The following CACNA1C variants were observed in gnomAD, a reference collection of about 807,000 sequenced individuals.
The protein encoded by CACNA1C is voltage-dependent L-type calcium channel subunit alpha-1C.
CACNA1C carries 30 observed loss-of-function variants against 229.0 expected under a neutral mutation model. The observed-to-expected ratio is 0.13, with a 90% CI of 0.10 to 0.18. The LOEUF (loss-of-function observed/expected upper bound fraction) is 0.18. Ranked by LOEUF, CACNA1C falls within the 10% of genes least tolerant of loss-of-function variation. The probability of loss-of-function intolerance (pLI) is 1.00; values close to 1 mark genes in which losing one functional copy is unlikely to be tolerated. For synonymous variants in CACNA1C, 1,114 were observed against 1,132.5 expected (o/e 0.98, Z 0.33); for missense variants, 1,658 against 2,845.0 (o/e 0.58, Z 9.49).
chr12:2,677,437 C>T lies in CACNA1C; in HGVS notation c.4956+216C>T. 1.6e-6 allele frequency: 1 copy of T among 623,802 alleles called. No individual in the cohort carries two copies. Among genetic ancestry groups the T allele is most frequent in the South Asian group, 2.1e-5 (1 of 48,196 alleles). 38.6% of individuals were successfully genotyped at this position (623,802 alleles called of 1,614,324 possible). A position where few individuals can be genotyped will look rare whatever the true frequency, so the allele number is the denominator to read the frequency against. On this transcript the variant is annotated intron_variant, in intron 40 of 46. Transcript: ENST00000399655. This position sits in a 1 kb window ranked among gnomAD's most constrained non-coding sequence, Gnocchi z 7.4. Reference sequence around the variant, plus strand: ...CACCGACTGCCCTCCATGGTTCTGCCTGCTGTCATAGCCCCCAGATCTCTC... The same window carrying T: ...CACCGACTGCCCTCCATGGTTCTGCTTGCTGTCATAGCCCCCAGATCTCTC...
chr12:2,168,072 G>A (rs1326865822), intron 3 of CACNA1C, among the ~76,000 whole-genome samples: 1 of 152,196 alleles, frequency 6.6e-6, no homozygotes, highest in Non-Finnish European at 1.5e-5. Flanking sequence ...GGGGGGGAGT[G>A]TTTGTGTACA....
At chr12:2,468,173 C>G (rs150223495) in intron 5 of CACNA1C, among the ~76,000 whole-genome samples, 43 of 152,352 alleles carry the variant, frequency 2.8e-4, no homozygotes, top group African/African-American at 9.9e-4. Flanking sequence ...TGTGGCTGAA[C>G]TGGGAACATC....
chr12:2,012,062 T>G (rs1373345150), intron 1 of CACNA1C, among the ~76,000 whole-genome samples: 1 of 152,212 alleles, frequency 6.6e-6, no homozygotes, highest in Non-Finnish European at 1.5e-5. Context: ...CATTGATTTT[T>G]CTCTTTTTAA....
At chr12:2,674,684 C>G in intron 39 of CACNA1C, 42 bp downstream of exon 39, 1 of 1,512,850 alleles carries the variant, frequency 6.6e-7, no homozygotes, top group Non-Finnish European at 8.9e-7. Flanking sequence ...CACTGCCTGG[C>G]CGTGCCCCCC....
intron 1 of CACNA1C, among the ~76,000 whole-genome samples, chr12:2,042,233 C>T (rs73044457): frequency 0.047 from 7,156 of 152,024 alleles, 254 homozygotes; most frequent in Non-Finnish European, 0.072. Context: ...TACCCTAATA[C>T]GATATATTTT....
At chr12:2,376,406 C>T (rs1209925887) in intron 3 of CACNA1C, among the ~76,000 whole-genome samples, 1 of 152,058 alleles carries the variant, frequency 6.6e-6, no homozygotes, top group African/African-American at 2.4e-5. Flanking sequence ...AGGAGGGGGG[C>T]AAATAGCACC....
chr12:2,658,015 CAG>C (rs759409030), intron 34 of CACNA1C, among the ~76,000 whole-genome samples: 12 of 151,102 alleles, frequency 7.9e-5, no homozygotes, highest in Admixed American at 6.6e-5. Context: ...CACACACACA[CAG>C]TGGAAGATTT....
chr12:2,307,536 T>C (rs1181254637), intron 3 of CACNA1C, among the ~76,000 whole-genome samples: 3 of 152,186 alleles, frequency 2.0e-5, no homozygotes, highest in African/African-American at 7.2e-5. Context: ...TCATGGCCTT[T>C]AACTATGGTT....
At chr12:2,033,594 G>C (rs779569481) in intron 1 of CACNA1C, among the ~76,000 whole-genome samples, 39 of 152,238 alleles carry the variant, frequency 2.6e-4, no homozygotes, top group East Asian at 1.9e-4. Context: ...TAATCCTAAG[G>C]ACAAAGTTTT....
intron 29 of CACNA1C, among the ~76,000 whole-genome samples, chr12:2,618,170 A>G (rs1484164268): frequency 2.0e-5 from 3 of 152,190 alleles, no homozygotes; most frequent in African/African-American, 7.2e-5. Context: ...AGATTCTGAC[A>G]TTCCCCTGGC....
intron 3 of CACNA1C, chr12:2,288,632 T>G (rs1441278234): frequency 6.6e-6 from 1 of 152,310 alleles, no homozygotes; most frequent in African/African-American, 2.4e-5. Flanking sequence ...GTGTCCGTGG[T>G]GGGTCTGTGC....
At chr12:2,612,132 C>T in intron 29 of CACNA1C, 119 bp downstream of exon 29, 1 of 679,160 alleles carries the variant, frequency 1.5e-6, no homozygotes, top group Non-Finnish European at 2.6e-6. Flanking sequence ...CGGTGAAGGA[C>T]CATCCCTGCT....
chr12:1,999,528 C>G (rs1405781752), intron 1 of CACNA1C, among the ~76,000 whole-genome samples: 1 of 152,126 alleles, frequency 6.6e-6, no homozygotes, highest in East Asian at 1.9e-4. Flanking sequence ...TGAGACCAGC[C>G]TGGGCAACAT....
At chr12:2,197,716 CAAT>C (rs1436205158) in intron 3 of CACNA1C, among the ~76,000 whole-genome samples, 3 of 152,172 alleles carry the variant, frequency 2.0e-5, no homozygotes, top group African/African-American at 7.2e-5. Context: ...ACATTTAAGT[CAAT>C]GATTGAATAG....
intron 13 of CACNA1C, among the ~76,000 whole-genome samples, chr12:2,569,872 GT>G (rs2053382844): frequency 6.6e-6 from 1 of 152,152 alleles, no homozygotes; most frequent in Non-Finnish European, 1.5e-5. Context: ...CTGTCAAACT[GT>G]TTTCCAAAGA....
chr12:2,124,680 G>T (rs1170550467), intron 3 of CACNA1C, among the ~76,000 whole-genome samples: 1 of 152,178 alleles, frequency 6.6e-6, no homozygotes, highest in South Asian at 2.1e-4. Context: ...GGGGGCAGTG[G>T]ATTTAGGAGG....
In CACNA1C at chr12:2,065,643, G is replaced by T. The variant is rs184657369; in HGVS notation, c.49+12032G>T. 4.3e-3 allele frequency among the ~76,000 whole-genome samples: 652 copies of T among 152,258 alleles called. 24 individuals carry two copies. The highest frequency in any genetic ancestry group is 0.037 in the Admixed American group (571 of 15,290). ...GGCAGAACATGCTTGATGTTACAAG[G>T]ATATAAAGATAAAGGCTCACAGATT... On this transcript the variant is annotated intron_variant, in intron 1 of 46. Coordinates refer to ENST00000399655, the MANE Select transcript of CACNA1C (RefSeq NM_000719.7).
At chr12:2,189,551 C>A (rs563106948) in intron 3 of CACNA1C, among the ~76,000 whole-genome samples, 1 of 152,078 alleles carries the variant, frequency 6.6e-6, no homozygotes, top group South Asian at 2.1e-4. Flanking sequence ...CTGGCTGCTG[C>A]GCGAGATGAG....
At chr12:2,492,021 T>C (rs1325510718) in intron 6 of CACNA1C, among the ~76,000 whole-genome samples, 2 of 152,024 alleles carry the variant, frequency 1.3e-5, no homozygotes, top group Non-Finnish European at 2.9e-5. Flanking sequence ...TTCATTGTTA[T>C]AGGCAATCAT....
Sources: gnomAD v4.1 joint callset for allele counts (sites outside exome capture counted in the v4.1 genomes callset) on GRCh38, gnomAD v4.1.1 for gene constraint, Gnocchi (gnomAD v3.1) non-coding constraint, MANE v1.5 for transcripts, NCBI Gene and HGNC (gene_info 2026-07-23, HGNC 2026-07-21) for gene names.